The following SYT9 variants were observed in gnomAD, a reference collection of about 807,000 sequenced individuals.
SYT9 encodes synaptotagmin-9.
A neutral mutation model predicts 48.4 loss-of-function variants in SYT9; 22 were observed. The ratio of observed to expected loss-of-function variants is 0.45; its 90% CI spans 0.32 to 0.65. SYT9 has a LOEUF of 0.65. SYT9 is among the 30% of genes least tolerant of loss of function. The pLI is 0.03. For missense variants in SYT9, 577 were observed against 622.0 expected (o/e 0.93, Z 0.77); for synonymous variants, 265 against 245.0 (o/e 1.08, Z -0.76).
intron 1 of SYT9, among the ~76,000 whole-genome samples, chr11:7,262,270 A>C (rs1848094473): frequency 6.6e-6 from 1 of 152,164 alleles, no homozygotes; most frequent in African/African-American, 2.4e-5. Flanking sequence ...TTTGAGGGGA[A>C]TGACCAGCAG....
chr11:7,281,394 ATGT>A (rs1207175951), intron 1 of SYT9, among the ~76,000 whole-genome samples: 1 of 152,208 alleles, frequency 6.6e-6, no homozygotes, highest in Non-Finnish European at 1.5e-5. Context: ...TACCCCTCTC[ATGT>A]TGCATCCTAC....
chr11:7,440,605 A>T (rs974252807), intron 6 of SYT9: 2 of 152,234 alleles, frequency 1.3e-5, no homozygotes, highest in African/African-American at 4.8e-5. Context: ...TTTTGAGTGG[A>T]ACAATGAAAG....
intron 3 of SYT9, among the ~76,000 whole-genome samples, chr11:7,319,598 A>G (rs1457440488): frequency 6.6e-6 from 1 of 152,220 alleles, no homozygotes; most frequent in East Asian, 1.9e-4. Flanking sequence ...TAGAAACAGT[A>G]GTTTTCTTAT....
chr11:7,456,356 C>T (rs1316985057), intron 6 of SYT9, among the ~76,000 whole-genome samples: 1 of 152,220 alleles, frequency 6.6e-6, no homozygotes, highest in Non-Finnish European at 1.5e-5. Context: ...AGGATTAAAA[C>T]AAGGTACAGT....
At chr11:7,328,007 G>A (rs1287149623) in intron 3 of SYT9, among the ~76,000 whole-genome samples, 1 of 135,636 alleles carries the variant, frequency 7.4e-6, no homozygotes. Context: ...CACCAGCATG[G>A]CACATGTATA....
chr11:7,321,903 A>C (rs910396424), intron 3 of SYT9, among the ~76,000 whole-genome samples: 16 of 152,010 alleles, frequency 1.1e-4, no homozygotes, highest in African/African-American at 3.6e-4. Flanking sequence ...TGCTGGTAGG[A>C]GTGTATGATG....
Position 7,287,035 on chromosome 11 carries a change from G to A in SYT9, c.146-16004G>A, listed in dbSNP as rs536815561. 1.4e-4 allele frequency among the ~76,000 whole-genome samples: 21 copies of A among 152,136 alleles called. No homozygotes were observed. The South Asian group carries it at 3.1e-3, about 23-fold the overall frequency. ...TTTATAGCAGCACCTCACTCTCTGC[G>A]GTACCAATTTACCGTGATAGTCCAT... is the stretch of plus-strand genomic sequence containing the variant. On this transcript the variant is annotated intron_variant, in intron 1 of 6. Transcript: ENST00000318881.
chr11:7,404,541 A>T (rs1846964470), intron 3 of SYT9, among the ~76,000 whole-genome samples: 1 of 152,170 alleles, frequency 6.6e-6, no homozygotes, highest in South Asian at 2.1e-4. Context: ...TTGAAGTGAT[A>T]TTATGCCATT....
Position 7,311,653 on chromosome 11 carries a change from C to T in SYT9, c.498-1742C>T, listed in dbSNP as rs1352543247. On this transcript the variant is annotated intron_variant, in intron 2 of 6. Coordinates refer to ENST00000318881, the MANE Select transcript of SYT9 (RefSeq NM_175733.4). ...GTACCCAGAAGGGTGGGAACTGATG[C>T]AGGACCCAATTATGGACATTTTTTG... Among the ~76,000 whole-genome samples, 4 of 152,180 alleles carry T rather than the reference C, an allele frequency of 2.6e-5. No homozygotes were observed. The South Asian group carries it at 8.3e-4, about 32-fold the overall frequency.
chr11:7,421,873 A>C (rs1376657634), intron 6 of SYT9, among the ~76,000 whole-genome samples: 1 of 152,240 alleles, frequency 6.6e-6, no homozygotes, highest in African/African-American at 2.4e-5. Context: ...ATCCATATAA[A>C]GTGCTACAAA....
chr11:7,373,990 G>T (rs1322551076), intron 3 of SYT9, among the ~76,000 whole-genome samples: 1 of 151,948 alleles, frequency 6.6e-6, no homozygotes, highest in Non-Finnish European at 1.5e-5. Flanking sequence ...TGTTACATAG[G>T]TATACATTTG....
rs913029170 is a variant in SYT9, at chr11:7,415,906, A to G, written c.1045-136A>G. The G allele has an allele frequency of 3.5e-5, 38 of 1,081,034 alleles. No homozygotes were observed. In the Middle Eastern group the frequency reaches 1.7e-3, roughly 49 times the overall value. 67.0% of individuals were successfully genotyped at this position (1,081,034 alleles called of 1,614,324 possible). A position where few individuals can be genotyped will look rare whatever the true frequency, so the allele number is the denominator to read the frequency against. On this transcript the variant is annotated intron_variant, in intron 3 of 6. Coordinates refer to ENST00000318881, the MANE Select transcript of SYT9 (RefSeq NM_175733.4). ...ATTATTCTCCCTGTGACTGACATGAACGGAAGAGATACCAGGGATTCTACA... is the reference window on the plus strand; with the variant it reads ...ATTATTCTCCCTGTGACTGACATGAGCGGAAGAGATACCAGGGATTCTACA...
At chr11:7,304,481 T>A (rs1848998446) in intron 2 of SYT9, among the ~76,000 whole-genome samples, 1 of 152,238 alleles carries the variant, frequency 6.6e-6, no homozygotes, top group South Asian at 2.1e-4. Flanking sequence ...TTGGAGGTAT[T>A]TTTTAAAAAT....
chr11:7,397,741 T>C (rs990148196), intron 3 of SYT9, among the ~76,000 whole-genome samples: 2 of 152,190 alleles, frequency 1.3e-5, no homozygotes, highest in Non-Finnish European at 2.9e-5. Context: ...CATAATTTGT[T>C]AAATGCACCC....
intron 3 of SYT9, among the ~76,000 whole-genome samples, chr11:7,370,474 C>T (rs1850341693): frequency 6.6e-6 from 1 of 152,018 alleles, no homozygotes; most frequent in East Asian, 1.9e-4. Context: ...CATGAAGTTC[C>T]TTTCTAAGGT....
intron 3 of SYT9, among the ~76,000 whole-genome samples, chr11:7,351,641 G>A (rs913658048): frequency 7.2e-5 from 11 of 152,176 alleles, no homozygotes; most frequent in Non-Finnish European, 1.3e-4. Context: ...CATCCTCATC[G>A]ATTCTGAAGA....
At chr11:7,334,402 C>T (rs768337899) in intron 3 of SYT9, among the ~76,000 whole-genome samples, 18 of 152,052 alleles carry the variant, frequency 1.2e-4, no homozygotes, top group Middle Eastern at 3.2e-3. Context: ...GAAGGCCACT[C>T]GCGTGTGGTT....
chr11:7,241,783 CA>C (rs1847742929), intron 1 of SYT9, among the ~76,000 whole-genome samples: 1 of 151,988 alleles, frequency 6.6e-6, no homozygotes, highest in Non-Finnish European at 1.5e-5. Context: ...TGCATTTGTC[CA>C]GGGGGATCGT....
chr11:7,462,737 T>A lies in SYT9; in HGVS notation c.1468-4055T>A, dbSNP rs554276391. ...TGTAAATTTAACAATATTAAGTACA[T>A]AATAAGATTAAATCATGTAATAAGA... On this transcript the variant is annotated intron_variant, in intron 6 of 6. Transcript: ENST00000318881. Among the ~76,000 whole-genome samples, 37 of 152,352 alleles carry A rather than the reference T, an allele frequency of 2.4e-4. No homozygotes were observed. The South Asian group carries it at 7.7e-3, about 32-fold the overall frequency.
Sources: gnomAD v4.1 joint callset for allele counts (sites outside exome capture counted in the v4.1 genomes callset) on GRCh38, gnomAD v4.1.1 for gene constraint, MANE v1.5 for transcripts, NCBI Gene and HGNC (gene_info 2026-07-23, HGNC 2026-07-21) for gene names.